ITGAM: variants seen among roughly 807,000 people sequenced by gnomAD.
ITGAM encodes the protein integrin subunit alpha M.
ITGAM carries 79 observed loss-of-function variants against 137.5 expected under a neutral mutation model. The ratio of observed to expected loss-of-function variants is 0.57; its 90% CI spans 0.48 to 0.69. The LOEUF is 0.69. Ranked by LOEUF, ITGAM falls within the 30% of genes least tolerant of loss-of-function variation. The pLI is 0.00. For synonymous variants in ITGAM, 583 were observed against 592.3 expected (o/e 0.98, Z 0.23); for missense variants, 1,343 against 1,483.5 (o/e 0.91, Z 1.56).
intron 14 of ITGAM, among the ~76,000 whole-genome samples, chr16:31,300,663 C>A (rs2080188462): frequency 6.6e-6 from 1 of 152,200 alleles, no homozygotes; most frequent in Non-Finnish European, 1.5e-5. Flanking sequence ...GTAATCCCAG[C>A]ACATTGGGAA....
intron 29 of ITGAM, 121 bp from the exon 30 acceptor site, chr16:31,331,514 CT>C: frequency 1.6e-6 from 1 of 610,602 alleles, no homozygotes; most frequent in Non-Finnish European, 3.0e-6. Context: ...TGTCACTCCC[CT>C]CCCGCCCCGC....
intron 12 of ITGAM, among the ~76,000 whole-genome samples, chr16:31,282,427 G>A (rs759466948): frequency 3.9e-5 from 6 of 152,106 alleles, no homozygotes; most frequent in Non-Finnish European, 8.8e-5. Context: ...TATATACTTA[G>A]GATTGTTGGC....
intron 2 of ITGAM, among the ~76,000 whole-genome samples, 162 bp downstream of exon 2, chr16:31,261,959 T>A (rs1345569408): frequency 6.6e-6 from 1 of 152,166 alleles, no homozygotes; most frequent in East Asian, 1.9e-4. Context: ...ATTCAAAAGA[T>A]GCAAAAGGGT....
rs549948860 is a variant in ITGAM at position 31,328,817 on chromosome 16, CAT to C, written c.2793-410_2793-409del. On this transcript the variant is annotated intron_variant, in intron 23 of 29. Transcript: ENST00000544665. ...ATGTGTGTGTGTGAAGGTCTATGTG[CAT>C]GTGTGTGCGCATGGGTGTGTATTTG... Among the ~76,000 whole-genome samples the C allele has an allele frequency of 2.3e-4, 30 of 128,014 alleles. No individual in the cohort carries two copies. In the East Asian group the frequency reaches 5.5e-3, roughly 23 times the overall value. 84.0% of individuals were successfully genotyped at this position (128,014 alleles called of 152,430 possible).
At chr16:31,271,392 T>G (rs4889644) in intron 6 of ITGAM, among the ~76,000 whole-genome samples, 110,904 of 152,134 alleles carry the variant, frequency 0.73, 41,639 homozygotes, top group African/African-American at 0.91. Flanking sequence ...TCACTCTTTC[T>G]CTCAGGCTGG....
intron 2 of ITGAM, among the ~76,000 whole-genome samples, chr16:31,264,127 C>T (rs2079737617): frequency 6.6e-6 from 1 of 151,946 alleles, no homozygotes. Flanking sequence ...TGAGCCACTG[C>T]GCCTGGCCCA....
chr16:31,261,430 C>A (rs897492836), intron 1 of ITGAM, among the ~76,000 whole-genome samples: 1 of 151,894 alleles, frequency 6.6e-6, no homozygotes, highest in African/African-American at 2.4e-5. Flanking sequence ...GATCCTCCCA[C>A]GTCAGCCTCT....
Position 31,303,220 on chromosome 16 carries a change from A to T in ITGAM, c.1707+5266A>T, listed in dbSNP as rs576482244. ...GCTAATTTTTCAATTTTTTGTAGAG[A>T]TGAAGTCTCACTATGTTGGCCAGGC... On this transcript the variant is annotated intron_variant, in intron 14 of 29. Coordinates refer to ENST00000544665, the MANE Select transcript of ITGAM (RefSeq NM_000632.4). Among the ~76,000 whole-genome samples the T allele has an allele frequency of 3.3e-5, 5 of 151,614 alleles. No homozygotes were observed. The South Asian group carries it at 1.0e-3, about 31-fold the overall frequency.
In ITGAM at chr16:31,330,314, T is replaced by A; in HGVS notation, c.3067T>A (p.Ser1023Thr). 2 of 1,613,588 alleles carry A rather than the reference T, an allele frequency of 1.2e-6. No individual in the cohort carries two copies. The highest frequency in any genetic ancestry group is 1.7e-6 in the Non-Finnish European group (2 of 1,179,498). Residue 1023 changes from serine (S) to threonine (T), a missense_variant, in exon 27 of 30, where the codon TCC (serine) becomes ACC (threonine). Ser to Thr is a moderately conservative substitution (Grantham distance 58). Transcript: ENST00000544665. ...ELRKAPVVNC[S>T]IAVCQRIQCD... Reference sequence around the variant, plus strand: ...CCCCTCCTGCGTTCCCCAGAACTGCTCCATCGCTGTCTGCCAGAGAATCCA... The same window carrying A: ...CCCCTCCTGCGTTCCCCAGAACTGCACCATCGCTGTCTGCCAGAGAATCCA...
chr16:31,274,262 TAA>T (rs2079882058), intron 8 of ITGAM, among the ~76,000 whole-genome samples: 1 of 152,184 alleles, frequency 6.6e-6, no homozygotes, highest in African/African-American at 2.4e-5. Context: ...AATCAATATA[TAA>T]GTTATAGGTT....
chr16:31,286,938 T>C (rs986652806), intron 12 of ITGAM, among the ~76,000 whole-genome samples: 3 of 152,224 alleles, frequency 2.0e-5, no homozygotes, highest in Non-Finnish European at 4.4e-5. Flanking sequence ...TGAGAAAGTA[T>C]TTCCTAGGTT....
intron 2 of ITGAM, among the ~76,000 whole-genome samples, chr16:31,262,396 CTTCCTTCA>C (rs1453246940): frequency 9.4e-5 from 11 of 116,764 alleles, no homozygotes; most frequent in East Asian, 2.4e-4. Flanking sequence ...TCCTTCCTTC[CTTCCTTCA>C]TTTCTTTCTT....
Position 31,330,405 on chromosome 16 carries a change from TTGAC to T in ITGAM, c.3161_3164del (p.Asp1054GlyfsTer11), listed in dbSNP as rs1475171381. ...GCTACCCTCAAAGGCAACCTCTCGT[TTGAC>T]TGGTACATCAAGGTGTGTGGGGTCC... is the stretch of plus-strand genomic sequence containing the variant. On this transcript the variant is annotated frameshift_variant, in exon 27 of 30. Transcript: ENST00000544665. LOFTEE classifies it high-confidence loss of function. 2 of 1,613,622 alleles carry T rather than the reference TTGAC, an allele frequency of 1.2e-6. No individual in the cohort carries two copies.
Position 31,297,649 on chromosome 16 carries a change from AG to A in ITGAM, c.1497+1del, listed in dbSNP as rs748829427. 1.1e-4 allele frequency: 178 copies of A among 1,612,158 alleles called. No homozygotes were observed. Among genetic ancestry groups the A allele is most frequent in the Non-Finnish European group, 1.9e-5 (22 of 1,179,464 alleles). On this transcript the variant is annotated frameshift_variant, in exon 13 of 30. Transcript: ENST00000544665. LOFTEE classifies it high-confidence loss of function. ...CCAGGTGTCCGTGTGCCCCTTGCCC[AG>A]GGGGGTGAGTGGCAATGGGACCTGG... ...GGQVSVCPLP[R>X]GRARWQCDAV...
intron 12 of ITGAM, among the ~76,000 whole-genome samples, chr16:31,290,304 T>C (rs1597001570): frequency 6.6e-6 from 1 of 151,960 alleles, no homozygotes; most frequent in African/African-American, 2.4e-5. Context: ...TCTGGGAAGA[T>C]GGAAATGTTC....
intron 14 of ITGAM, among the ~76,000 whole-genome samples, chr16:31,309,256 A>G (rs1420444455): frequency 5.0e-5 from 2 of 39,770 alleles, no homozygotes; most frequent in African/African-American, 1.2e-4. Flanking sequence ...GTGGGGTGTT[A>G]AAGTCTCCCA....
chr16:31,282,854 C>T (rs1180617090), intron 12 of ITGAM, among the ~76,000 whole-genome samples: 1 of 152,102 alleles, frequency 6.6e-6, no homozygotes, highest in Non-Finnish European at 1.5e-5. Context: ...CAGTGGCTGG[C>T]ACTGGTTTTT....
At chr16:31,320,597 A>G (rs905136974) in intron 14 of ITGAM, among the ~76,000 whole-genome samples, 1 of 152,142 alleles carries the variant, frequency 6.6e-6, no homozygotes, top group African/African-American at 2.4e-5. Context: ...AGCTCTTTCA[A>G]TTCTCTATTT....
At chr16:31,276,552 T>C in intron 9 of ITGAM, 119 bp from the exon 10 acceptor site, 3 of 689,182 alleles carry the variant, frequency 4.4e-6, no homozygotes, top group Admixed American at 2.5e-5. Context: ...GACTGGTCTC[T>C]AACTCCTGAC....
Sources: allele counts gnomAD v4.1 joint callset (sites outside exome capture counted in the v4.1 genomes callset), GRCh38; gene constraint gnomAD v4.1.1; transcripts MANE v1.5; gene names NCBI Gene and HGNC (gene_info 2026-07-23, HGNC 2026-07-21).